FAM227B: variants seen among roughly 807,000 people sequenced by gnomAD.
The protein encoded by FAM227B is family with sequence similarity 227 member B, also known as protein FAM227B.
In FAM227B, 88 loss-of-function variants were observed where a neutral mutation model predicts 73.8. The observed-to-expected ratio is 1.19, with a 90% CI of 1.00 to 1.42. The LOEUF is 1.42. Among genes scored for constraint, FAM227B ranks in the 40% most tolerant of loss-of-function variants. The probability of loss-of-function intolerance (pLI) is 0.00; values close to 1 mark genes in which losing one functional copy is unlikely to be tolerated. For synonymous variants in FAM227B, 210 were observed against 190.5 expected (o/e 1.10, Z -0.84); for missense variants, 632 against 590.9 (o/e 1.07, Z -0.72).
chr15:49,464,974 T>C (rs2054132847), intron 11 of FAM227B, among the ~76,000 whole-genome samples: 1 of 152,180 alleles, frequency 6.6e-6, no homozygotes. Context: ...AATAAACACC[T>C]TAACTAGTTT....
intron 13 of FAM227B, among the ~76,000 whole-genome samples, chr15:49,364,404 A>G (rs1460205479): frequency 6.6e-6 from 1 of 151,832 alleles, no homozygotes; most frequent in Non-Finnish European, 1.5e-5. Flanking sequence ...GTGCATAGAG[A>G]TGTTCATAGT....
At chr15:49,345,337 C>G (rs1359256368) in intron 13 of FAM227B, among the ~76,000 whole-genome samples, 1 of 152,086 alleles carries the variant, frequency 6.6e-6, no homozygotes, top group Non-Finnish European at 1.5e-5. Context: ...CATGGTTGTA[C>G]ATTTGTGCTG....
At chr15:49,424,409 G>C in intron 11 of FAM227B, 3 of 1,613,656 alleles carry the variant, frequency 1.9e-6, no homozygotes, top group South Asian at 1.1e-5. Flanking sequence ...CATGACTCCA[G>C]AGCAAATGGC....
At chr15:49,617,689 G>A (rs749016152) in intron 1 of FAM227B, among the ~76,000 whole-genome samples, 23 of 152,014 alleles carry the variant, frequency 1.5e-4, no homozygotes, top group Non-Finnish European at 2.6e-4. Flanking sequence ...TAACAAAGTG[G>A]CTTAAAAAAT....
chr15:49,417,601 G>T (rs897309360), intron 11 of FAM227B, among the ~76,000 whole-genome samples: 1 of 152,144 alleles, frequency 6.6e-6, no homozygotes, highest in Non-Finnish European at 1.5e-5. Flanking sequence ...ACGGTGCTGG[G>T]ATAACTGGCT....
intron 13 of FAM227B, among the ~76,000 whole-genome samples, chr15:49,341,914 G>GT (rs1448659466): frequency 2.4e-4 from 37 of 152,034 alleles, no homozygotes; most frequent in Non-Finnish European, 4.4e-4. Flanking sequence ...TAAGAGTTTG[G>GT]TTTTTTTGAA....
intron 14 of FAM227B, among the ~76,000 whole-genome samples, chr15:49,334,771 G>T (rs969933183): frequency 3.9e-5 from 6 of 152,182 alleles, no homozygotes; most frequent in African/African-American, 1.4e-4. Flanking sequence ...CACCCAAAAG[G>T]GAGGATCATC....
chr15:49,503,028 T>C (rs541199277), intron 11 of FAM227B, among the ~76,000 whole-genome samples: 1 of 152,278 alleles, frequency 6.6e-6, no homozygotes, highest in African/African-American at 2.4e-5. Flanking sequence ...CAAACTATAC[T>C]ACAAGGCTAC....
At chr15:49,394,416 G>A (rs903939332) in intron 11 of FAM227B, among the ~76,000 whole-genome samples, 5 of 152,170 alleles carry the variant, frequency 3.3e-5, no homozygotes, top group Admixed American at 1.3e-4. Flanking sequence ...TGAAGATGGG[G>A]AGGTAGTGCT....
chr15:49,419,915 A>G (rs976381051), intron 11 of FAM227B, among the ~76,000 whole-genome samples: 5 of 152,174 alleles, frequency 3.3e-5, no homozygotes, highest in African/African-American at 1.2e-4. Context: ...GGCACTATGT[A>G]TCTTTTCTTT....
At chr15:49,419,215 C>T (rs1408065849) in intron 11 of FAM227B, among the ~76,000 whole-genome samples, 2 of 152,088 alleles carry the variant, frequency 1.3e-5, no homozygotes, top group Non-Finnish European at 2.9e-5. Flanking sequence ...CTGCTATGTG[C>T]GGTGGTGCTG....
rs563073686 is a variant in FAM227B at position 49,546,806 on chromosome 15, T to C, written c.748-5000A>G. Among the ~76,000 whole-genome samples, 15 of 152,248 alleles carry C rather than the reference T, an allele frequency of 9.9e-5. No homozygotes were observed. The East Asian group carries it at 2.9e-3, about 29-fold the overall frequency. On this transcript the variant is annotated intron_variant, in intron 9 of 15. Transcript: ENST00000299338. Reference sequence around the variant, plus strand: ...GTGAAAAGACCAAATCTACGTCTGATTGGTGTACCTGAAAGTGATGGGGAG... The same window carrying C: ...GTGAAAAGACCAAATCTACGTCTGACTGGTGTACCTGAAAGTGATGGGGAG...
chr15:49,587,223 T>C (rs1030607762), intron 5 of FAM227B, among the ~76,000 whole-genome samples: 6 of 152,106 alleles, frequency 3.9e-5, no homozygotes, highest in African/African-American at 1.4e-4. Context: ...AGCAAACTAA[T>C]GCAGGAACAG....
chr15:49,553,932 G>A (rs1238074206), intron 9 of FAM227B, among the ~76,000 whole-genome samples: 1 of 152,208 alleles, frequency 6.6e-6, no homozygotes, highest in African/African-American at 2.4e-5. Context: ...AAGTCTCAGA[G>A]TATCACCCAG....
chr15:49,500,948 C>T (rs2058086150), intron 11 of FAM227B, among the ~76,000 whole-genome samples: 1 of 152,136 alleles, frequency 6.6e-6, no homozygotes, highest in African/African-American at 2.4e-5. Flanking sequence ...GCCTGCTCTC[C>T]CTTCACCTTC....
Position 49,439,611 on chromosome 15 carries a change from A to C in FAM227B, c.1013-68212T>G, listed in dbSNP as rs1041249264. Among the ~76,000 whole-genome samples the C allele has an allele frequency of 2.0e-5, 3 of 151,770 alleles. No homozygotes were observed. In the East Asian group the frequency reaches 5.8e-4, roughly 30 times the overall value. ...ACAATAGAAGAGAAACAGAGCAATAAGTTTGTGGAATAAGCTTGTTTCTGA... is the reference window on the plus strand; with the variant it reads ...ACAATAGAAGAGAAACAGAGCAATACGTTTGTGGAATAAGCTTGTTTCTGA... On this transcript the variant is annotated intron_variant, in intron 11 of 15. Transcript: ENST00000299338.
At chr15:49,337,946 A>C (rs1232848367) in intron 13 of FAM227B, among the ~76,000 whole-genome samples, 1 of 152,152 alleles carries the variant, frequency 6.6e-6, no homozygotes, top group Non-Finnish European at 1.5e-5. Flanking sequence ...GCTATTGTGA[A>C]CACTGCCGCA....
chr15:49,602,242 C>T (rs2077252919), intron 3 of FAM227B, among the ~76,000 whole-genome samples: 1 of 152,158 alleles, frequency 6.6e-6, no homozygotes, highest in East Asian at 1.9e-4. Flanking sequence ...AGTGGTTGTA[C>T]TAACTTACAT....
At position 49,368,330 on chromosome 15, in the gene FAM227B, C is replaced by G. The variant is rs534232478; in HGVS notation, c.1111-722G>C. Among the ~76,000 whole-genome samples the G allele has an allele frequency of 3.3e-5, 5 of 152,164 alleles. No homozygotes were observed. The South Asian group carries it at 1.0e-3, about 32-fold the overall frequency. ...AAGTTTTCCTCAATCTTTGTAATAC[C>G]ATTATGAAAGATTTTTTATTGATTC... On this transcript the variant is annotated intron_variant, in intron 12 of 15. Transcript: ENST00000299338.
Sources: gnomAD v4.1 joint callset for allele counts (sites outside exome capture counted in the v4.1 genomes callset) on GRCh38, gnomAD v4.1.1 for gene constraint, MANE v1.5 for transcripts, NCBI Gene and HGNC (gene_info 2026-07-23, HGNC 2026-07-21) for gene names.